The following FMN1 variants were observed in gnomAD, a reference collection of about 807,000 sequenced individuals.
FMN1 encodes formin-1.
A neutral mutation model predicts 132.4 loss-of-function variants in FMN1; 110 were observed. The ratio of observed to expected loss-of-function variants is 0.83; its 90% CI spans 0.71 to 0.97. The LOEUF is 0.97. Ranked by LOEUF, FMN1 falls within the 50% of genes least tolerant of loss-of-function variation. The pLI is 0.00. For synonymous variants in FMN1, 722 were observed against 651.7 expected, an observed-to-expected ratio of 1.11 and a Z score of -1.64; for missense variants, 1,792 against 1,705.3, an observed-to-expected ratio of 1.05 and a Z score of -0.90.
At chr15:32,857,460 G>A (rs535000896) in intron 16 of FMN1, among the ~76,000 whole-genome samples, 6 of 152,118 alleles carry the variant, frequency 3.9e-5, no homozygotes, top group East Asian at 1.9e-4. Flanking sequence ...TTAGTCTCAC[G>A]AAATTAAGGG....
intron 16 of FMN1, among the ~76,000 whole-genome samples, chr15:32,876,090 C>T (rs1430506122): frequency 6.6e-6 from 1 of 152,294 alleles, no homozygotes; most frequent in Non-Finnish European, 1.5e-5. Context: ...ATCAAGGATA[C>T]TTTGTTAATG....
intron 10 of FMN1, among the ~76,000 whole-genome samples, chr15:32,912,358 T>C (rs906529109): frequency 6.6e-6 from 1 of 152,226 alleles, no homozygotes; most frequent in Non-Finnish European, 1.5e-5. Flanking sequence ...CCATGGGCTC[T>C]GAAGACATGG....
chr15:32,913,148 A>C (rs2060604550), intron 10 of FMN1, among the ~76,000 whole-genome samples: 1 of 152,024 alleles, frequency 6.6e-6, no homozygotes, highest in Non-Finnish European at 1.5e-5. Flanking sequence ...CCCACTCAAG[A>C]CCCAACTTCA....
chr15:32,973,188 C>A (rs1463857089), intron 7 of FMN1, among the ~76,000 whole-genome samples: 1 of 152,180 alleles, frequency 6.6e-6, no homozygotes, highest in Non-Finnish European at 1.5e-5. Flanking sequence ...TACTTGCAGA[C>A]TAACATGAAC....
At chr15:32,847,427 AC>A (rs2058884002) in intron 17 of FMN1, among the ~76,000 whole-genome samples, 5 of 152,206 alleles carry the variant, frequency 3.3e-5, no homozygotes, top group Admixed American at 3.3e-4. Context: ...TAGTTCTGAG[AC>A]AGTGTTTAAA....
intron 5 of FMN1, chr15:33,068,103 T>C (rs1210075722): frequency 7.9e-7 from 1 of 1,258,416 alleles, no homozygotes. Context: ...GTGAAAAATC[T>C]GTGGAGTCTA....
intron 10 of FMN1, among the ~76,000 whole-genome samples, chr15:32,911,442 A>G (rs1324435328): frequency 2.0e-5 from 3 of 152,162 alleles, no homozygotes; most frequent in Admixed American, 6.5e-5. Context: ...CCAACCAGTG[A>G]TACTTAGAAT....
Position 32,888,387 on chromosome 15 carries a change from T to C in FMN1, c.3715-95A>G. On this transcript the variant is annotated intron_variant, in intron 15 of 20. Coordinates refer to ENST00000616417, the MANE Select transcript of FMN1 (RefSeq NM_001277313.2). ...TCAATGAGAAAAAAAAAAGCTTTTT[T>C]ATTGGATGTCTGAGTAAGAATCATA... 2.6e-6 allele frequency: 3 copies of C among 1,164,922 alleles called. No homozygotes were observed. In the East Asian group the frequency reaches 7.2e-5, roughly 28 times the overall value. 72.2% of individuals were successfully genotyped at this position (1,164,922 alleles called of 1,614,324 possible). A position where few individuals can be genotyped will look rare whatever the true frequency, so the allele number is the denominator to read the frequency against.
chr15:32,820,427 G>T (rs1204295002), intron 17 of FMN1, among the ~76,000 whole-genome samples: 1 of 152,080 alleles, frequency 6.6e-6, no homozygotes, highest in Non-Finnish European at 1.5e-5. Flanking sequence ...ACTAATTTAG[G>T]TTATATGCAT....
intron 9 of FMN1, among the ~76,000 whole-genome samples, chr15:32,946,929 C>A (rs1409662287): frequency 2.6e-5 from 4 of 152,118 alleles, no homozygotes; most frequent in Non-Finnish European, 5.9e-5. Context: ...GGTAAGAATT[C>A]CACAAACATT....
At chr15:33,019,168 G>C (rs2035269414) in intron 6 of FMN1, among the ~76,000 whole-genome samples, 1 of 152,156 alleles carries the variant, frequency 6.6e-6, no homozygotes, top group Admixed American at 6.5e-5. Flanking sequence ...TGATTGGTCT[G>C]TTTTGACAGG....
At chr15:32,847,562 C>G (rs944462665) in intron 17 of FMN1, among the ~76,000 whole-genome samples, 2 of 150,994 alleles carry the variant, frequency 1.3e-5, no homozygotes, top group African/African-American at 4.9e-5. Context: ...CTTTAAAAAA[C>G]TAAGAGTTAA....
chr15:33,065,251 G>C (rs1284618191), intron 5 of FMN1, among the ~76,000 whole-genome samples, 177 bp from the exon 6 acceptor site: 2 of 151,992 alleles, frequency 1.3e-5, no homozygotes, highest in African/African-American at 4.8e-5. Flanking sequence ...AGTGTAACGT[G>C]ATCAGTTGAG....
At chr15:32,973,661 T>G (rs74012417) in intron 7 of FMN1, among the ~76,000 whole-genome samples, 1,548 of 152,110 alleles carry the variant, frequency 0.01, 30 homozygotes, top group African/African-American at 0.036. Context: ...GTTGTGTTCA[T>G]GACCTCAGTG....
At chr15:33,155,965 C>T (rs1964654133) in intron 3 of FMN1, among the ~76,000 whole-genome samples, 1 of 152,218 alleles carries the variant, frequency 6.6e-6, no homozygotes. Context: ...TTGCTTAAAA[C>T]AAGCACCGCC....
At chr15:32,962,113 T>TATC (rs1555505536) in intron 9 of FMN1, among the ~76,000 whole-genome samples, 2 of 151,784 alleles carry the variant, frequency 1.3e-5, no homozygotes, top group Non-Finnish European at 2.9e-5. Flanking sequence ...GATTTATTAT[T>TATC]ATTATTATTA....
chr15:33,127,107 G>A (rs75683573), intron 4 of FMN1, among the ~76,000 whole-genome samples: 3,354 of 152,262 alleles, frequency 0.022, 112 homozygotes, highest in African/African-American at 0.074. Context: ...GGGGAGTGAT[G>A]AACGAGATAG....
intron 10 of FMN1, among the ~76,000 whole-genome samples, chr15:32,924,720 G>GAC (rs1249247852): frequency 6.6e-6 from 1 of 152,206 alleles, no homozygotes; most frequent in East Asian, 1.9e-4. Context: ...AGGAGTTCGA[G>GAC]ACCAGTCTGA....
intron 9 of FMN1, among the ~76,000 whole-genome samples, chr15:32,948,138 TA>T (rs2061548850): frequency 6.6e-6 from 1 of 152,044 alleles, no homozygotes; most frequent in Non-Finnish European, 1.5e-5. Context: ...AATTTCATTA[TA>T]AATCATAATC....
Sources: allele counts gnomAD v4.1 joint callset (sites outside exome capture counted in the v4.1 genomes callset), GRCh38; gene constraint gnomAD v4.1.1; transcripts MANE v1.5; gene names NCBI Gene and HGNC (gene_info 2026-07-23, HGNC 2026-07-21).